SCAPER: variants seen among roughly 807,000 people sequenced by gnomAD.
SCAPER encodes S-phase cyclin A associated protein in the ER.
Under a neutral mutation model 182.2 loss-of-function variants are expected in SCAPER, and 98 were observed. That is an observed-to-expected ratio of 0.54 (90% CI 0.46 to 0.64). The LOEUF (loss-of-function observed/expected upper bound fraction) is 0.64, where lower values mean the gene tolerates loss of function less well. Among genes scored for constraint, SCAPER ranks in the 30% least tolerant of loss-of-function variants. SCAPER has a pLI of 0.00. For synonymous variants in SCAPER, 605 were observed against 564.6 expected (o/e 1.07, Z -1.01); for missense variants, 1,432 against 1,690.0 (o/e 0.85, Z 2.68).
At chr15:76,395,446 T>C (rs977527972) in intron 27 of SCAPER, among the ~76,000 whole-genome samples, 2 of 152,210 alleles carry the variant, frequency 1.3e-5, no homozygotes, top group African/African-American at 4.8e-5. Flanking sequence ...AGTGGTTGTA[T>C]TAATTTGCAT....
At position 76,801,534 on chromosome 15, in the gene SCAPER, T is replaced by C. The variant is rs1221991119; in HGVS notation, c.495-1170A>G. Among the ~76,000 whole-genome samples the C allele has an allele frequency of 2.6e-5, 4 of 152,342 alleles. No homozygotes were observed. The South Asian group carries it at 6.2e-4, about 24-fold the overall frequency. ...GATTTGAAGAATGCAAGATGGATAA[T>C]GCCATCTATAGAGCACTTTAAGACT... On this transcript the variant is annotated intron_variant, in intron 6 of 31. Transcript: ENST00000563290.
chr15:76,664,850 AAT>A (rs2056450872), intron 21 of SCAPER, among the ~76,000 whole-genome samples: 2 of 152,216 alleles, frequency 1.3e-5, no homozygotes, highest in Non-Finnish European at 2.9e-5. Flanking sequence ...TGTAAATTGA[AAT>A]AGACACCTAG....
At chr15:76,605,607 C>T (rs1373821713) in intron 22 of SCAPER, among the ~76,000 whole-genome samples, 1 of 152,158 alleles carries the variant, frequency 6.6e-6, no homozygotes, top group Non-Finnish European at 1.5e-5. Context: ...GGTAGCAGCT[C>T]CTCTTTGTAC....
At chr15:76,425,640 T>A (rs2046369165) in intron 26 of SCAPER, among the ~76,000 whole-genome samples, 1 of 152,224 alleles carries the variant, frequency 6.6e-6, no homozygotes, top group South Asian at 2.1e-4. Context: ...TCCATCCAGC[T>A]TTTTTCCGTT....
chr15:76,615,211 A>AG lies in SCAPER; in HGVS notation c.2711+6552dup, dbSNP rs759290402. On this transcript the variant is annotated intron_variant, in intron 22 of 31. Transcript: ENST00000563290. Reference sequence around the variant, plus strand: ...GATGTAATAGCACTTTGGGAGGCTGAGGGGGGGCGGATTGCTTGAGCCCAG... The same window carrying AG: ...GATGTAATAGCACTTTGGGAGGCTGAGGGGGGGGCGGATTGCTTGAGCCCAG... Among the ~76,000 whole-genome samples the AG allele has an allele frequency of 1.4e-4, 21 of 151,992 alleles. No homozygotes were observed. The East Asian group carries it at 1.7e-3, about 13-fold the overall frequency.
chr15:76,660,739 T>C (rs2056081556), intron 21 of SCAPER, among the ~76,000 whole-genome samples: 1 of 152,134 alleles, frequency 6.6e-6, no homozygotes, highest in Admixed American at 6.5e-5. Flanking sequence ...CAGTGTAGTA[T>C]GATAGTAAAA....
At chr15:76,491,741 C>T (rs1364847013) in intron 24 of SCAPER, among the ~76,000 whole-genome samples, 1 of 152,138 alleles carries the variant, frequency 6.6e-6, no homozygotes, top group East Asian at 1.9e-4. Flanking sequence ...AAGTGATTCT[C>T]GTGCCTCAGC....
chr15:76,816,138 T>A (rs997947550), intron 5 of SCAPER, among the ~76,000 whole-genome samples: 3 of 152,178 alleles, frequency 2.0e-5, no homozygotes, highest in Non-Finnish European at 4.4e-5. Context: ...CTGCTGAGAC[T>A]TTATAAACTA....
chr15:76,719,101 C>T (rs1238375629), intron 17 of SCAPER, among the ~76,000 whole-genome samples: 1 of 152,136 alleles, frequency 6.6e-6, no homozygotes, highest in African/African-American at 2.4e-5. Context: ...TTTGCACTTC[C>T]ATGTTTCCTA....
intron 1 of SCAPER, among the ~76,000 whole-genome samples, chr15:76,897,007 C>A (rs982160393): frequency 1.3e-4 from 20 of 152,148 alleles, no homozygotes; most frequent in African/African-American, 4.8e-4. Context: ...AAATCCATAT[C>A]CCAAGTCTGC....
intron 21 of SCAPER, among the ~76,000 whole-genome samples, chr15:76,652,982 T>C (rs1360911340): frequency 6.6e-6 from 1 of 152,166 alleles, no homozygotes; most frequent in African/African-American, 2.4e-5. Flanking sequence ...TCATAAAGAC[T>C]CTGACAAAGG....
At chr15:76,435,317 A>C (rs954381917) in intron 25 of SCAPER, among the ~76,000 whole-genome samples, 2 of 152,208 alleles carry the variant, frequency 1.3e-5, no homozygotes, top group Non-Finnish European at 2.9e-5. Flanking sequence ...AATCTACTTA[A>C]TATTTACCCT....
intron 20 of SCAPER, among the ~76,000 whole-genome samples, chr15:76,675,413 A>G (rs1425736483): frequency 3.3e-5 from 5 of 152,226 alleles, no homozygotes; most frequent in African/African-American, 1.2e-4. Context: ...GCAGAAAAGT[A>G]AAATTAATAA....
At chr15:76,793,293 A>G (rs753035664) in intron 8 of SCAPER, 101 of 818,480 alleles carry the variant, frequency 1.2e-4, no homozygotes, top group Middle Eastern at 2.2e-4. Flanking sequence ...TGCAACTCCT[A>G]AAATCTTTGG....
chr15:76,634,045 G>A lies in SCAPER; in HGVS notation c.2646-12216C>T, dbSNP rs528100201. Reference sequence around the variant, plus strand: ...AACTCCCGTGTCTCAGTGCCTACTCGAGCAGCCGCCCACCTGAGCAGCTGC... The same window carrying A: ...AACTCCCGTGTCTCAGTGCCTACTCAAGCAGCCGCCCACCTGAGCAGCTGC... On this transcript the variant is annotated intron_variant, in intron 21 of 31. Coordinates refer to ENST00000563290, the MANE Select transcript of SCAPER (RefSeq NM_020843.4). 8.5e-5 allele frequency among the ~76,000 whole-genome samples: 13 copies of A among 152,312 alleles called. No homozygotes were observed. The South Asian group carries it at 2.5e-3, about 29-fold the overall frequency.
rs764581284 is a variant in SCAPER at position 76,385,772 on chromosome 15, C to A, written c.3468-4157G>T. Among the ~76,000 whole-genome samples, 11 of 152,288 alleles carry A rather than the reference C, an allele frequency of 7.2e-5. 1 individual carries two copies. The highest frequency in any genetic ancestry group is 2.0e-4 in the Admixed American group (3 of 15,302). On this transcript the variant is annotated intron_variant, in intron 27 of 31. Transcript: ENST00000563290. The stretch of plus-strand genomic sequence containing the variant: ...CCAAAGTACCTGTGCTCTGGGAACT[C>A]TGAGCACCTGTGATGTGCAAGGTTA...
chr15:76,590,684 T>C (rs892526605), intron 22 of SCAPER, among the ~76,000 whole-genome samples: 3 of 152,250 alleles, frequency 2.0e-5, no homozygotes, highest in Non-Finnish European at 4.4e-5. Flanking sequence ...ATCCCACTAC[T>C]GGATGTCTAC....
At chr15:76,411,923 G>A (rs1339597806) in intron 26 of SCAPER, among the ~76,000 whole-genome samples, 1 of 152,038 alleles carries the variant, frequency 6.6e-6, no homozygotes, top group Non-Finnish European at 1.5e-5. Flanking sequence ...ATCTTTCCAT[G>A]TGTTAAACGG....
chr15:76,471,180 T>C, intron 25 of SCAPER, 32 bp downstream of exon 25: 1 of 1,553,120 alleles, frequency 6.4e-7, no homozygotes, highest in Non-Finnish European at 8.7e-7. Flanking sequence ...AAACCTTAAC[T>C]GCTTCTAACT....
Sources: allele counts gnomAD v4.1 joint callset (sites outside exome capture counted in the v4.1 genomes callset), GRCh38; gene constraint gnomAD v4.1.1; transcripts MANE v1.5; gene names NCBI Gene and HGNC (gene_info 2026-07-23, HGNC 2026-07-21).